The following CACNG7 variants were observed in gnomAD, a reference collection of about 807,000 sequenced individuals.
The protein encoded by CACNG7 is voltage-dependent calcium channel gamma-7 subunit.
In CACNG7, 9 loss-of-function variants were observed where a neutral mutation model predicts 26.3. That is an observed-to-expected ratio of 0.34 (90% CI 0.21 to 0.60). The LOEUF is 0.60. Among genes scored for constraint, CACNG7 ranks in the 20% least tolerant of loss-of-function variants. CACNG7 has a pLI of 0.81. For synonymous variants in CACNG7, 170 were observed against 157.0 expected, an observed-to-expected ratio of 1.08 and a Z score of -0.62; for missense variants, 297 against 380.4, an observed-to-expected ratio of 0.78 and a Z score of 1.82.
intron 4 of CACNG7, among the ~76,000 whole-genome samples, chr19:53,924,362 GTCCCCAGGTCTGGTCATTGGTGGAGTTGT>G (rs2069002441): frequency 7.7e-6 from 1 of 129,964 alleles, no homozygotes; most frequent in Non-Finnish European, 1.6e-5. Context: ...TGGTGGAGTT[GTCCCCAGGTCTGGTCATTGGTGGAGTTGT>G]CCCCAGGCCT....
intron 1 of CACNG7, among the ~76,000 whole-genome samples, chr19:53,911,532 C>G (rs1035931622): frequency 6.6e-6 from 1 of 152,056 alleles, no homozygotes; most frequent in African/African-American, 2.4e-5. Context: ...GAGCTAGGTT[C>G]TGGAGTGAGG....
rs11881669 is a variant in CACNG7, at chr19:53,943,275, T to C, written c.*982T>C. 0.036 allele frequency: 5,458 copies of C among 151,890 alleles called. 324 individuals are homozygous for C. Among genetic ancestry groups the C allele is most frequent in the African/African-American group, 0.12 (5,054 of 41,334 alleles). The allele number at this position is 151,890 out of a possible 1,614,324, so 9.4% of individuals were successfully genotyped here. Reference sequence around the variant, plus strand: ...GGGGTCGACACCCCCCCCAAACCTCTAAGTCTTCCATTTTCTGGCTCTCCT... The same window carrying C: ...GGGGTCGACACCCCCCCCAAACCTCCAAGTCTTCCATTTTCTGGCTCTCCT... On this transcript the variant is annotated 3_prime_UTR_variant, in exon 6 of 6. Coordinates refer to ENST00000391767, the MANE Select transcript of CACNG7 (RefSeq NM_031896.5).
intron 4 of CACNG7, among the ~76,000 whole-genome samples, chr19:53,930,366 G>A (rs573108957): frequency 7.3e-5 from 11 of 151,648 alleles, no homozygotes; most frequent in African/African-American, 1.9e-4. Context: ...GCACCACTAC[G>A]CCAGGCTAAT....
At chr19:53,941,813 G>A (rs571950700) in intron 5 of CACNG7, among the ~76,000 whole-genome samples, 198 bp downstream of exon 5, 5 of 152,034 alleles carry the variant, frequency 3.3e-5, no homozygotes, top group Non-Finnish European at 7.4e-5. Context: ...TGGGGGAGGA[G>A]GGGTCTGGAG....
At chr19:53,928,876 T>G (rs62143257) in intron 4 of CACNG7, among the ~76,000 whole-genome samples, 3 of 151,598 alleles carry the variant, frequency 2.0e-5, no homozygotes, top group African/African-American at 7.3e-5. Context: ...TTTGGGAGGC[T>G]GAGGTTGGCG....
At chr19:53,925,760 CA>C (rs2069025751) in intron 4 of CACNG7, among the ~76,000 whole-genome samples, 1 of 152,208 alleles carries the variant, frequency 6.6e-6, no homozygotes, top group African/African-American at 2.4e-5. Flanking sequence ...TGGAAATGTA[CA>C]AACTGAGGAT....
intron 4 of CACNG7, among the ~76,000 whole-genome samples, chr19:53,923,200 TCCCAGGCTCGTCATTGGTGGAGTTGC>T (rs1568776047): frequency 1.8e-5 from 1 of 55,562 alleles, no homozygotes; most frequent in Non-Finnish European, 3.1e-5. Flanking sequence ...GGTGGGGTTG[TCCCAGGCTCGTCATTGGTGGAGTTGC>T]CCCAGGTCTG....
rs1280677056 is a variant in CACNG7 at position 53,922,791 on chromosome 19, A to G, written c.424+7286A>G. ...GTTGTCCCAGGCTCGTCATTGGTGG[A>G]GTTGCCCCAGGTCTGGTCATTGGTG... On this transcript the variant is annotated intron_variant, in intron 4 of 5. Transcript: ENST00000391767. 3.6e-4 allele frequency among the ~76,000 whole-genome samples: 17 copies of G among 46,820 alleles called. 1 individual carries two copies. The highest frequency in any genetic ancestry group is 1.6e-3 in the East Asian group (3 of 1,872). 30.7% of individuals were successfully genotyped at this position (46,820 alleles called of 152,430 possible).
chr19:53,925,331 TC>T (rs1365989706), intron 4 of CACNG7, among the ~76,000 whole-genome samples: 8 of 134,242 alleles, frequency 6.0e-5, no homozygotes, highest in African/African-American at 1.5e-4. Context: ...CCAGGCCTGG[TC>T]ATTGGTGGAG....
At position 53,939,120 on chromosome 19, in the gene CACNG7, G is replaced by A. The variant is rs2069122706; in HGVS notation, c.425-2350G>A. Among the ~76,000 whole-genome samples, 4 of 152,120 alleles carry A rather than the reference G, an allele frequency of 2.6e-5. No homozygotes were observed. On this transcript the variant is annotated intron_variant, in intron 4 of 5. Transcript: ENST00000391767. This position sits in a 1 kb window ranked among gnomAD's most constrained non-coding sequence, Gnocchi z 4.2. ...AAAAATACAAAAATTAGCCAGGCAT[G>A]GTGGCGGGTGCCTGTTAATTCCAGC...
At chr19:53,941,996 AG>A in intron 5 of CACNG7, 39 bp from the exon 6 acceptor site, 2 of 1,535,838 alleles carry the variant, frequency 1.3e-6, no homozygotes, top group Non-Finnish European at 1.8e-6. Flanking sequence ...GGGGATGCGC[AG>A]GGGGGCGCCC....
At chr19:53,935,795 C>T (rs2069101728) in intron 4 of CACNG7, among the ~76,000 whole-genome samples, 1 of 151,910 alleles carries the variant, frequency 6.6e-6, no homozygotes, top group African/African-American at 2.4e-5. Context: ...CACCCACCAC[C>T]ATGCCCAGCT....
At chr19:53,917,213 A>G (rs2068904501) in intron 4 of CACNG7, among the ~76,000 whole-genome samples, 1 of 152,202 alleles carries the variant, frequency 6.6e-6, no homozygotes, top group Admixed American at 6.5e-5. Context: ...ATTTAACTCC[A>G]TCCATCCAAC....
rs1458554887 is a variant in CACNG7 at position 53,942,367 on chromosome 19, C to T, written c.*74C>T. On this transcript the variant is annotated 3_prime_UTR_variant, in exon 6 of 6. Transcript: ENST00000391767. The surrounding 1 kb of genome is among the most constrained non-coding windows in gnomAD (Gnocchi z 5.9). ...GGGGGTCTCCCTGCAATGCAGCGCCCCCTTCCGTCCTCGGGACTCCTCGCT... is the reference window on the plus strand; with the variant it reads ...GGGGGTCTCCCTGCAATGCAGCGCCTCCTTCCGTCCTCGGGACTCCTCGCT... The T allele has an allele frequency of 6.5e-7, 1 of 1,539,506 alleles. No homozygotes were observed. Among genetic ancestry groups the T allele is most frequent in the Admixed American group, 1.8e-5 (1 of 55,678 alleles).
In CACNG7 at chr19:53,912,142, GC is replaced by G. The variant is rs1319301321; in HGVS notation, c.-29-658del. Among the ~76,000 whole-genome samples, 3 of 152,306 alleles carry G rather than the reference GC, an allele frequency of 2.0e-5. No homozygotes were observed. Among genetic ancestry groups the G allele is most frequent in the African/African-American group, 7.2e-5 (3 of 41,566 alleles). On this transcript the variant is annotated intron_variant, in intron 1 of 5. Transcript: ENST00000391767. This position sits in a 1 kb window ranked among gnomAD's most constrained non-coding sequence, Gnocchi z 4.6. The stretch of plus-strand genomic sequence containing the variant: ...AAGTTGTAGAGCATCCAGGGTTCAA[GC>G]CCAATGCCCTGTGCTCTGGGATCTA...
At chr19:53,913,850 G>A (rs1243374290) in intron 2 of CACNG7, among the ~76,000 whole-genome samples, 2 of 146,358 alleles carry the variant, frequency 1.4e-5, no homozygotes, top group African/African-American at 2.5e-5. Context: ...CCAATTCATT[G>A]TAAGAATCCT....
At chr19:53,928,674 G>C (rs55700194) in intron 4 of CACNG7, among the ~76,000 whole-genome samples, 54,399 of 151,952 alleles carry the variant, frequency 0.36, 10,165 homozygotes, top group South Asian at 0.52. Context: ...CCAGATCACA[G>C]ACAGCCTGGA....
chr19:53,937,727 G>A (rs844122), intron 4 of CACNG7, among the ~76,000 whole-genome samples: 133,032 of 151,884 alleles, frequency 0.88, 58,502 homozygotes, highest in East Asian at 0.97. Context: ...AGTAGCTGGG[G>A]TTACGAGTGT....
In CACNG7 at chr19:53,914,724, A is replaced by C. The variant is rs1439980405; in HGVS notation, c.283+138A>C. 7 of 740,420 alleles carry C rather than the reference A, an allele frequency of 9.5e-6. No homozygotes were observed. The East Asian group carries it at 1.9e-4, about 20-fold the overall frequency. 45.9% of individuals were successfully genotyped at this position (740,420 alleles called of 1,614,324 possible). A position where few individuals can be genotyped will look rare whatever the true frequency, so the allele number is the denominator to read the frequency against. On this transcript the variant is annotated intron_variant, in intron 3 of 5. Transcript: ENST00000391767. ...GGCTTGAAAGAAGGCAGAATGGGCC[A>C]GGCATGGTGGCTCACACCTGTAATC...
Sources: gnomAD v4.1 joint callset for allele counts (sites outside exome capture counted in the v4.1 genomes callset) on GRCh38, gnomAD v4.1.1 for gene constraint, Gnocchi (gnomAD v3.1) non-coding constraint, MANE v1.5 for transcripts, NCBI Gene and HGNC (gene_info 2026-07-23, HGNC 2026-07-21) for gene names.